The following MSI2 variants were observed in gnomAD, a reference collection of about 807,000 sequenced individuals.
MSI2 encodes musashi RNA binding protein 2.
A neutral mutation model predicts 45.6 loss-of-function variants in MSI2; 17 were observed. That is an observed-to-expected ratio of 0.37 (90% CI 0.26 to 0.56). The LOEUF is 0.56. Among genes scored for constraint, MSI2 ranks in the 20% least tolerant of loss-of-function variants. The pLI, the probability that MSI2 is intolerant of heterozygous loss-of-function variation, is 0.77. For missense variants in MSI2, 293 were observed against 444.2 expected (o/e 0.66, Z 3.06); for synonymous variants, 156 against 158.2 (o/e 0.99, Z 0.11).
chr17:57,357,721 A>T (rs930614764), intron 5 of MSI2, among the ~76,000 whole-genome samples: 10 of 152,140 alleles, frequency 6.6e-5, no homozygotes, highest in African/African-American at 2.2e-4. Flanking sequence ...GCTTTTGTGT[A>T]TGTGTCGTTC....
At chr17:57,392,683 T>C (rs1598208478) in intron 5 of MSI2, among the ~76,000 whole-genome samples, 1 of 152,272 alleles carries the variant, frequency 6.6e-6, no homozygotes, top group Non-Finnish European at 1.5e-5. Context: ...ATTTTAGCAA[T>C]CGGCAACGTA....
At position 57,321,337 on chromosome 17, in the gene MSI2, C is replaced by T. The variant is rs529099222; in HGVS notation, c.312+59145C>T. On this transcript the variant is annotated intron_variant, in intron 5 of 13. Transcript: ENST00000284073. Reference sequence around the variant, plus strand: ...TGGTAATTATAGATGCTTTAGGAGCCGCCATTTGCTTCACATGGCAAGGTG... The same window carrying T: ...TGGTAATTATAGATGCTTTAGGAGCTGCCATTTGCTTCACATGGCAAGGTG... 4.3e-4 allele frequency among the ~76,000 whole-genome samples: 65 copies of T among 152,034 alleles called. No individual in the cohort carries two copies. In the South Asian group the frequency reaches 0.011, roughly 25 times the overall value.
chr17:57,316,178 A>C (rs898678941), intron 5 of MSI2, among the ~76,000 whole-genome samples: 1 of 152,144 alleles, frequency 6.6e-6, no homozygotes, highest in East Asian at 1.9e-4. Flanking sequence ...AGGGAAATCT[A>C]TCTGGAGGGT....
chr17:57,633,762 A>G (rs1909614520), intron 10 of MSI2, among the ~76,000 whole-genome samples: 1 of 152,236 alleles, frequency 6.6e-6, no homozygotes, highest in Admixed American at 6.5e-5. Flanking sequence ...AGTTGTTACA[A>G]TTAAGGGATA....
At chr17:57,436,974 A>G (rs1398084282) in intron 6 of MSI2, among the ~76,000 whole-genome samples, 2 of 152,178 alleles carry the variant, frequency 1.3e-5, no homozygotes, top group African/African-American at 4.8e-5. Context: ...AGGACATCAG[A>G]GACACTTACA....
At chr17:57,618,732 C>T (rs1404192861) in intron 9 of MSI2, among the ~76,000 whole-genome samples, 12 of 152,084 alleles carry the variant, frequency 7.9e-5, no homozygotes, top group Middle Eastern at 3.2e-3. Context: ...TTAGTAGAGA[C>T]GGGATTTCAC....
chr17:57,271,169 A>G (rs923213161), intron 5 of MSI2, among the ~76,000 whole-genome samples: 44 of 152,202 alleles, frequency 2.9e-4, no homozygotes, highest in Non-Finnish European at 1.5e-4. Context: ...ATCTGAAAGC[A>G]TCACATTCAT....
chr17:57,319,814 A>G (rs1030340959), intron 5 of MSI2, among the ~76,000 whole-genome samples: 1 of 152,026 alleles, frequency 6.6e-6, no homozygotes, highest in African/African-American at 2.4e-5. Flanking sequence ...GGGTCTTCCC[A>G]TGTCATCCAG....
chr17:57,605,505 G>C (rs190221316), intron 8 of MSI2, among the ~76,000 whole-genome samples: 1 of 152,044 alleles, frequency 6.6e-6, no homozygotes, highest in African/African-American at 2.4e-5. Flanking sequence ...TGCCACCAGC[G>C]TCCCCGTACT....
intron 5 of MSI2, among the ~76,000 whole-genome samples, chr17:57,359,133 T>C (rs948319844): frequency 1.3e-5 from 2 of 152,262 alleles, no homozygotes; most frequent in Non-Finnish European, 1.5e-5. Flanking sequence ...CTGCATCTTA[T>C]GCACTCTCTC....
chr17:57,605,125 G>A (rs570487525), intron 8 of MSI2, among the ~76,000 whole-genome samples: 2 of 152,284 alleles, frequency 1.3e-5, no homozygotes, highest in African/African-American at 2.4e-5. Context: ...CAAGCAGGAT[G>A]AAGGCAAAAA....
intron 6 of MSI2, among the ~76,000 whole-genome samples, chr17:57,453,189 C>T (rs1044048594): frequency 5.3e-5 from 8 of 151,758 alleles, no homozygotes; most frequent in Admixed American, 2.0e-4. Context: ...TTAGTGGAGA[C>T]GGGGTTTCAT....
At chr17:57,486,197 T>C (rs1598322807) in intron 6 of MSI2, among the ~76,000 whole-genome samples, 2 of 152,232 alleles carry the variant, frequency 1.3e-5, no homozygotes, top group Admixed American at 6.5e-5. Flanking sequence ...AGGGTTATTT[T>C]TTCCCCTAGC....
intron 5 of MSI2, among the ~76,000 whole-genome samples, chr17:57,323,445 G>A (rs932720059): frequency 2.6e-5 from 4 of 152,242 alleles, no homozygotes; most frequent in Non-Finnish European, 5.9e-5. Flanking sequence ...GCGGGGGTCC[G>A]CTGGGCACTT....
intron 7 of MSI2, among the ~76,000 whole-genome samples, chr17:57,576,755 A>T (rs2088059470): frequency 1.5e-5 from 1 of 68,700 alleles, no homozygotes; most frequent in South Asian, 4.3e-4. Flanking sequence ...TCTGTCTTTA[A>T]AAAAAAAAAA....
intron 6 of MSI2, among the ~76,000 whole-genome samples, chr17:57,418,117 A>T (rs1212258642): frequency 1.3e-5 from 2 of 152,232 alleles, no homozygotes; most frequent in African/African-American, 4.8e-5. Context: ...CTGTTGTAGC[A>T]CAAAAGCAGC....
chr17:57,498,557 A>G (rs1019363372), intron 6 of MSI2, among the ~76,000 whole-genome samples: 6 of 152,216 alleles, frequency 3.9e-5, no homozygotes, highest in Non-Finnish European at 8.8e-5. Context: ...GCCAGGCCTC[A>G]TGTCCACATT....
intron 5 of MSI2, among the ~76,000 whole-genome samples, chr17:57,350,602 C>A (rs1378830704): frequency 6.6e-6 from 1 of 152,142 alleles, no homozygotes; most frequent in African/African-American, 2.4e-5. Context: ...ACTGGCAGTG[C>A]CCTGATCACA....
intron 6 of MSI2, among the ~76,000 whole-genome samples, chr17:57,446,772 G>C (rs1450136044): frequency 6.6e-6 from 1 of 152,218 alleles, no homozygotes; most frequent in Non-Finnish European, 1.5e-5. Flanking sequence ...TGATAGAATG[G>C]ATGAAAATGA....
Sources: gnomAD v4.1 joint callset for allele counts (sites outside exome capture counted in the v4.1 genomes callset) on GRCh38, gnomAD v4.1.1 for gene constraint, MANE v1.5 for transcripts, NCBI Gene and HGNC (gene_info 2026-07-23, HGNC 2026-07-21) for gene names.